Variants in ZFP64 observed in about 807,000 individuals in gnomAD.
ZFP64 encodes ZFP64 zinc finger protein.
In ZFP64, 14 loss-of-function variants were observed where a neutral mutation model predicts 51.6. The observed-to-expected ratio is 0.27, with a 90% CI of 0.18 to 0.42. The LOEUF (loss-of-function observed/expected upper bound fraction) is 0.42. Among genes scored for constraint, ZFP64 ranks in the 10% least tolerant of loss-of-function variants. The probability of loss-of-function intolerance (pLI) is 1.00; values close to 1 mark genes in which losing one functional copy is unlikely to be tolerated. For synonymous variants in ZFP64, 375 were observed against 361.4 expected (o/e 1.04, Z -0.43); for missense variants, 754 against 906.8 (o/e 0.83, Z 2.16).
intron 5 of ZFP64, chr20:52,105,155 GC>G (rs1264402593): frequency 6.9e-7 from 1 of 1,450,732 alleles, no homozygotes; most frequent in Non-Finnish European, 9.0e-7. Flanking sequence ...CACCTGCGGG[GC>G]CACCTCCGCA....
chr20:52,153,898 A>G lies in ZFP64; in HGVS notation c.764-470T>C, dbSNP rs1981093325. ...TGCACTCATTGGAGTATGGTTTTAC[A>G]ATGACTGAAACACCCAGCTTATATT... On this transcript the variant is annotated intron_variant, in intron 5 of 5. Coordinates refer to ENST00000216923, the MANE Select transcript of ZFP64 (RefSeq NM_018197.3). This position sits in a 1 kb window ranked among gnomAD's most constrained non-coding sequence, Gnocchi z 5.1. Among the ~76,000 whole-genome samples, 1 of 152,190 alleles carries G rather than the reference A, an allele frequency of 6.6e-6. No homozygotes were observed. Among genetic ancestry groups the G allele is most frequent in the South Asian group, 2.1e-4 (1 of 4,828 alleles).
downstream of ZFP64, among the ~76,000 whole-genome samples, chr20:52,146,400 T>TA (rs1250251843): frequency 0.012 from 733 of 63,652 alleles, 6 homozygotes; most frequent in African/African-American, 0.031. Context: ...TATGCAGCCA[T>TA]AAAAAATGAT....
At chr20:52,086,283 C>A (rs765095027) in intron 8 of ZFP64, among the ~76,000 whole-genome samples, 13 of 152,240 alleles carry the variant, frequency 8.5e-5, no homozygotes, top group Non-Finnish European at 1.6e-4. Flanking sequence ...CAATCACTTC[C>A]TTATAAGTCT....
chr20:52,134,512 C>T (rs983251947), intron 5 of ZFP64, among the ~76,000 whole-genome samples: 1 of 152,192 alleles, frequency 6.6e-6, no homozygotes, highest in African/African-American at 2.4e-5. Flanking sequence ...GGGGGACTGA[C>T]AACTTTTCAG....
In ZFP64 at chr20:52,160,516, G is replaced by T; in HGVS notation, c.512-142C>A. The T allele has an allele frequency of 8.7e-7, 1 of 1,144,540 alleles. No homozygotes were observed. Among genetic ancestry groups the T allele is most frequent in the Non-Finnish European group, 1.2e-6 (1 of 839,376 alleles). The allele number at this position is 1,144,540 out of a possible 1,614,324, so 70.9% of individuals were successfully genotyped here. A position where few individuals can be genotyped will look rare whatever the true frequency, so the allele number is the denominator to read the frequency against. On this transcript the variant is annotated intron_variant, in intron 4 of 5. Transcript: ENST00000216923. The surrounding 1 kb of genome is among the most constrained non-coding windows in gnomAD (Gnocchi z 4.2). ...ACCCTAAAACACTGGGTGGATGATT[G>T]GCAAAGAGCTAACATCTTGGGAGAG...
At chr20:52,190,282 G>A (rs1984275952) in intron 1 of ZFP64, among the ~76,000 whole-genome samples, 1 of 152,204 alleles carries the variant, frequency 6.6e-6, no homozygotes, top group African/African-American at 2.4e-5. Flanking sequence ...TGATGGAATA[G>A]GACTGACACC....
intron 7 of ZFP64, among the ~76,000 whole-genome samples, chr20:52,096,277 G>A (rs1233686913): frequency 6.6e-6 from 1 of 152,154 alleles, no homozygotes; most frequent in African/African-American, 2.4e-5. Flanking sequence ...AAGGGCCGCT[G>A]CTTCTGGGTC....
Position 52,186,974 on chromosome 20 carries a change from A to G in ZFP64, c.144T>C (p.Ala48=). Residue 48 remains alanine (A), a synonymous_variant, in exon 2 of 6, where the codon GCT becomes GCC. Coordinates refer to ENST00000216923, the MANE Select transcript of ZFP64 (RefSeq NM_018197.3). ...QQFNNLDAFV[A]HKQSGCQLTG... Reference sequence around the variant, plus strand: ...TCAGCTGGCAGCCACTTTGCTTGTGAGCTACAAAGGCATCCAGGTTGTTAA... The same window carrying G: ...TCAGCTGGCAGCCACTTTGCTTGTGGGCTACAAAGGCATCCAGGTTGTTAA... The G allele has an allele frequency of 3.1e-6, 5 of 1,614,062 alleles. No homozygotes were observed. Among genetic ancestry groups the G allele is most frequent in the Non-Finnish European group, 4.2e-6 (5 of 1,179,996 alleles).
At chr20:52,164,512 G>A (rs927218466) in intron 4 of ZFP64, among the ~76,000 whole-genome samples, 183 bp downstream of exon 4, 3 of 152,160 alleles carry the variant, frequency 2.0e-5, no homozygotes, top group Non-Finnish European at 4.4e-5. Context: ...ATTTTATTAT[G>A]TTAAAGATTT....
chr20:52,113,684 C>G (rs1393282768), intron 5 of ZFP64, among the ~76,000 whole-genome samples: 1 of 151,572 alleles, frequency 6.6e-6, no homozygotes, highest in Non-Finnish European at 1.5e-5. Context: ...GATGATCCAC[C>G]TGCCTCGGCC....
chr20:52,089,818 C>T (rs973898638), intron 7 of ZFP64, among the ~76,000 whole-genome samples: 1 of 151,550 alleles, frequency 6.6e-6, no homozygotes, highest in East Asian at 1.9e-4. Flanking sequence ...GCAGGTTCAT[C>T]TATGGTAAAA....
intron 5 of ZFP64, among the ~76,000 whole-genome samples, chr20:52,131,296 C>T (rs1484187237): frequency 6.6e-6 from 1 of 150,828 alleles, no homozygotes; most frequent in African/African-American, 2.4e-5. Context: ...AGAAAGAAAG[C>T]AAGAAAAGAA....
At chr20:52,164,930 T>C in intron 3 of ZFP64, 173 bp from the exon 4 acceptor site, 1 of 701,232 alleles carries the variant, frequency 1.4e-6, no homozygotes, top group East Asian at 2.7e-5. Context: ...ACCGTCATTT[T>C]GTGGTTCCTG....
chr20:52,109,256 C>T (rs138084253), intron 5 of ZFP64, among the ~76,000 whole-genome samples: 7,047 of 151,978 alleles, frequency 0.046, 235 homozygotes, highest in Admixed American at 0.11. Flanking sequence ...CTCCGCCTCC[C>T]GGGTTCATGC....
chr20:52,138,954 G>A (rs919455409), intron 5 of ZFP64, among the ~76,000 whole-genome samples: 2 of 152,110 alleles, frequency 1.3e-5, no homozygotes, highest in African/African-American at 4.8e-5. Context: ...TCCTAATCAT[G>A]AGAGAAATAT....
In ZFP64 at chr20:52,180,416, T is replaced by C. The variant is rs1004455254; in HGVS notation, c.286+6416A>G. Among the ~76,000 whole-genome samples, 23 of 152,136 alleles carry C rather than the reference T, an allele frequency of 1.5e-4. 1 individual carries two copies. Among genetic ancestry groups the C allele is most frequent in the Non-Finnish European group, 1.6e-4 (11 of 68,030 alleles). On this transcript the variant is annotated intron_variant, in intron 2 of 5. Coordinates refer to ENST00000216923, the MANE Select transcript of ZFP64 (RefSeq NM_018197.3). ...CTAATTAAAGACTAATTAGTTACAA[T>C]TGTGATACATGCTAGCGGAGAAAAC...
chr20:52,104,983 G>T (rs140544415), intron 5 of ZFP64: 88 of 905,758 alleles, frequency 9.7e-5, no homozygotes, highest in Non-Finnish European at 1.4e-4. Context: ...GGGGGGCGGG[G>T]ACGCCCAGGT....
chr20:52,102,075 G>GCA (rs2079057292), intron 5 of ZFP64, among the ~76,000 whole-genome samples: 1 of 129,866 alleles, frequency 7.7e-6, no homozygotes. Context: ...TCGTGCCACT[G>GCA]CACTCCAGCC....
chr20:52,187,159 A>G, intron 1 of ZFP64, 88 bp from the exon 2 acceptor site: 2 of 1,428,582 alleles, frequency 1.4e-6, no homozygotes, highest in African/African-American at 1.4e-5. Flanking sequence ...AAGAAAAGGC[A>G]TGGTGGCAGA....
Sources: gnomAD v4.1 joint callset for allele counts (sites outside exome capture counted in the v4.1 genomes callset) on GRCh38, gnomAD v4.1.1 for gene constraint, Gnocchi (gnomAD v3.1) non-coding constraint, MANE v1.5 for transcripts, NCBI Gene and HGNC (gene_info 2026-07-23, HGNC 2026-07-21) for gene names.